KDM4B: variants seen among roughly 807,000 people sequenced by gnomAD.
The protein encoded by KDM4B is lysine demethylase 4B, also known as lysine-specific demethylase 4B.
In KDM4B, 32 loss-of-function variants were observed where a neutral mutation model predicts 125.2. The ratio of observed to expected loss-of-function variants is 0.26; its 90% CI spans 0.19 to 0.34. The LOEUF (loss-of-function observed/expected upper bound fraction) is 0.34, where lower values mean the gene tolerates loss of function less well. Among genes scored for constraint, KDM4B ranks in the 10% least tolerant of loss-of-function variants. KDM4B has a pLI of 1.00. For missense variants in KDM4B, 1,190 were observed against 1,577.7 expected (o/e 0.75, Z 4.16); for synonymous variants, 721 against 677.9 (o/e 1.06, Z -0.99).
chr19:5,098,604 C>T (rs1364511225), intron 9 of KDM4B, among the ~76,000 whole-genome samples: 1 of 152,138 alleles, frequency 6.6e-6, no homozygotes, highest in Non-Finnish European at 1.5e-5. Flanking sequence ...AGGTCTGTGT[C>T]CCCTCAGAGT....
intron 9 of KDM4B, among the ~76,000 whole-genome samples, chr19:5,108,878 G>T (rs918946488): frequency 1.2e-4 from 18 of 152,282 alleles, no homozygotes; most frequent in African/African-American, 4.3e-4. Flanking sequence ...AGGAGATGAG[G>T]TCTGTGCCCC....
chr19:5,098,435 C>T (rs1451638076), intron 9 of KDM4B, among the ~76,000 whole-genome samples: 1 of 152,140 alleles, frequency 6.6e-6, no homozygotes, highest in Non-Finnish European at 1.5e-5. Flanking sequence ...CTGCCTGTTC[C>T]CTTGTAGGTG....
intron 6 of KDM4B, among the ~76,000 whole-genome samples, chr19:5,049,099 T>A (rs2037136004): frequency 6.6e-6 from 1 of 152,036 alleles, no homozygotes; most frequent in African/African-American, 2.4e-5. Flanking sequence ...CGGGGGTGCC[T>A]GCTGCTAGGT....
At chr19:5,133,329 C>T (rs1008434060) in intron 13 of KDM4B, among the ~76,000 whole-genome samples, 2 of 152,198 alleles carry the variant, frequency 1.3e-5, no homozygotes, top group Non-Finnish European at 2.9e-5. Context: ...GGCTTCCTAG[C>T]CCTGGTCACG....
intron 1 of KDM4B, among the ~76,000 whole-genome samples, chr19:5,011,477 C>T (rs936306819): frequency 3.3e-5 from 5 of 152,246 alleles, no homozygotes; most frequent in East Asian, 1.9e-4. Flanking sequence ...GTAAGGGGTA[C>T]GCAGAGCCCC....
intron 1 of KDM4B, among the ~76,000 whole-genome samples, chr19:5,011,749 C>T (rs567968250): frequency 3.9e-5 from 6 of 152,342 alleles, no homozygotes; most frequent in Admixed American, 1.3e-4. Context: ...GCCCAACTTT[C>T]GGAACCCACC....
intron 9 of KDM4B, among the ~76,000 whole-genome samples, chr19:5,098,013 C>T (rs1055197110): frequency 2.0e-5 from 3 of 152,180 alleles, no homozygotes; most frequent in African/African-American, 2.4e-5. Context: ...CATGTTTGCC[C>T]GAGCCCCACC....
rs535756198 is a variant in KDM4B at position 4,980,302 on chromosome 19, T to C, written c.-109+11072T>C. On this transcript the variant is annotated intron_variant, in intron 1 of 22. Coordinates refer to ENST00000159111, the MANE Select transcript of KDM4B (RefSeq NM_015015.3). ...TCTCTGGATTGGCCTGTCCTGAACA[T>C]TTCATAGAGATGGAGTCACACACTG... Among the ~76,000 whole-genome samples, 7 of 151,968 alleles carry C rather than the reference T, an allele frequency of 4.6e-5. No homozygotes were observed. The East Asian group carries it at 1.4e-3, about 29-fold the overall frequency.
At chr19:5,109,861 T>C (rs996641351) in intron 9 of KDM4B, among the ~76,000 whole-genome samples, 13 of 152,204 alleles carry the variant, frequency 8.5e-5, no homozygotes, top group African/African-American at 2.9e-4. Context: ...ACTGCTGTTG[T>C]CTCCCTTCTT....
intron 7 of KDM4B, 46 bp downstream of exon 7, chr19:5,071,105 A>T (rs1568274994): frequency 6.3e-7 from 1 of 1,588,470 alleles, no homozygotes; most frequent in South Asian, 1.1e-5. Context: ...ACCAGGTGGG[A>T]GGGGCCTGTG....
At chr19:5,027,544 G>GT (rs565728081) in intron 2 of KDM4B, among the ~76,000 whole-genome samples, 8,679 of 134,596 alleles carry the variant, frequency 0.064, 757 homozygotes, top group African/African-American at 0.18. Flanking sequence ...TCTCTTTTCA[G>GT]TTTTTTTTTT....
chr19:5,139,691 A>G (rs1198361447), intron 18 of KDM4B, among the ~76,000 whole-genome samples: 3 of 152,220 alleles, frequency 2.0e-5, no homozygotes, highest in South Asian at 2.1e-4. Context: ...ATCTTTGCAC[A>G]GTCCTGTTGG....
At position 5,152,495 on chromosome 19, in the gene KDM4B, C is replaced by T. The variant is rs1332972198; in HGVS notation, c.*984C>T. 1.3e-5 allele frequency: 2 copies of T among 152,326 alleles called. No individual in the cohort carries two copies. Among genetic ancestry groups the T allele is most frequent in the African/African-American group, 4.8e-5 (2 of 41,460 alleles). The allele number at this position is 152,326 out of a possible 1,614,324, so 9.4% of individuals were successfully genotyped here. ...GGTTGGTAGTGAGTGTGGACAGCTT[C>T]CCAGCTCTTCGGGTACAACCCTGAG... On this transcript the variant is annotated 3_prime_UTR_variant, in exon 23 of 23. Coordinates refer to ENST00000159111, the MANE Select transcript of KDM4B (RefSeq NM_015015.3).
chr19:5,132,021 C>T lies in KDM4B; in HGVS notation c.1906+14C>T, dbSNP rs757234436. 6.3e-7 allele frequency: 1 copy of T among 1,596,356 alleles called. No individual in the cohort carries two copies. The highest frequency in any genetic ancestry group is 8.5e-7 in the Non-Finnish European group (1 of 1,172,148). ...CAAGTGACGAGGGTGAGTGGGGGGT[C>T]CCCAGGTCGGCTCTCATCAGCCCTG... On this transcript the variant is annotated intron_variant, in intron 13 of 22. Coordinates refer to ENST00000159111, the MANE Select transcript of KDM4B (RefSeq NM_015015.3).
chr19:4,988,453 T>A (rs1424987662), intron 1 of KDM4B, among the ~76,000 whole-genome samples: 1 of 152,032 alleles, frequency 6.6e-6, no homozygotes, highest in Admixed American at 6.6e-5. Context: ...TTTTTTGTAT[T>A]TTTAGTAGAG....
At position 5,036,333 on chromosome 19, in the gene KDM4B, C is replaced by T. The variant is rs554321256; in HGVS notation, c.141+3302C>T. 2.1e-4 allele frequency among the ~76,000 whole-genome samples: 32 copies of T among 152,340 alleles called. No homozygotes were observed. In the East Asian group the frequency reaches 2.5e-3, roughly 12 times the overall value. ...CAGGCCCGATGGAGCTCGGTGGGGG[C>T]GGGAGCTGCGGGCACAGCCCTGAGA... is the stretch of plus-strand genomic sequence containing the variant. On this transcript the variant is annotated intron_variant, in intron 3 of 22. Coordinates refer to ENST00000159111, the MANE Select transcript of KDM4B (RefSeq NM_015015.3).
chr19:5,085,590 C>T (rs752089300), intron 9 of KDM4B, among the ~76,000 whole-genome samples: 3 of 152,238 alleles, frequency 2.0e-5, no homozygotes, highest in African/African-American at 7.2e-5. Context: ...TGTCAGGCGG[C>T]GTAGCAAGTG....
intron 6 of KDM4B, among the ~76,000 whole-genome samples, chr19:5,048,290 G>A (rs2037095801): frequency 1.3e-5 from 2 of 152,372 alleles, no homozygotes; most frequent in South Asian, 4.1e-4. Context: ...GTGTGGGGGT[G>A]TGTGTGAATG....
intron 9 of KDM4B, among the ~76,000 whole-genome samples, chr19:5,104,925 C>A (rs952289193): frequency 1.3e-5 from 2 of 152,204 alleles, no homozygotes; most frequent in African/African-American, 4.8e-5. Context: ...ATTAAGATAA[C>A]TGGGGCCATC....
Sources: allele counts gnomAD v4.1 joint callset (sites outside exome capture counted in the v4.1 genomes callset), GRCh38; gene constraint gnomAD v4.1.1; transcripts MANE v1.5; gene names NCBI Gene and HGNC (gene_info 2026-07-23, HGNC 2026-07-21).